The following ARHGEF12 variants were observed in gnomAD, a reference collection of about 807,000 sequenced individuals.
ARHGEF12 encodes the protein KMT2A/ARHGEF12 fusion protein.
Under a neutral mutation model 211.2 loss-of-function variants are expected in ARHGEF12, and 66 were observed. That is an observed-to-expected ratio of 0.31 (90% CI 0.26 to 0.38). ARHGEF12 has a LOEUF of 0.38. Ranked by LOEUF, ARHGEF12 falls within the 10% of genes least tolerant of loss-of-function variation. ARHGEF12 has a pLI of 1.00. For missense variants in ARHGEF12, 1,429 were observed against 1,869.5 expected, an observed-to-expected ratio of 0.76 and a Z score of 4.34; for synonymous variants, 592 against 638.4, an observed-to-expected ratio of 0.93 and a Z score of 1.09.
Position 120,480,099 on chromosome 11 carries a change from T to C in ARHGEF12, c.3906T>C (p.Asn1302=). 2 of 1,614,098 alleles carry C rather than the reference T, an allele frequency of 1.2e-6. No homozygotes were observed. The highest frequency in any genetic ancestry group is 1.7e-6 in the Non-Finnish European group (2 of 1,180,020). The stretch of plus-strand genomic sequence containing the variant: ...ACAGTGTCATCCAGAACTCTGAAAA[T>C]ATTAAGGCCTATCATTCTGGTGAAG... ...QTDSVIQNSE[N]IKAYHSGEGH... The change falls in exon 38 of 41, where the codon AAT becomes AAC. Residue 1302 remains asparagine, a synonymous_variant. Transcript: ENST00000397843.
Position 120,347,171 on chromosome 11 carries a change from C to CTTT in ARHGEF12, c.32+9896_32+9897insTTT, listed in dbSNP as rs1565417119. On this transcript the variant is annotated intron_variant, in intron 1 of 40. Transcript: ENST00000397843. ...TCCTTCCTTCCTTCCTTCCTTCCTTCCTTCCTTCCTTCCTTTCTTTCTTTC... is the reference window on the plus strand; with the variant it reads ...TCCTTCCTTCCTTCCTTCCTTCCTTCTTTCTTCCTTCCTTCCTTTCTTTCTTTC... 1.2e-4 allele frequency among the ~76,000 whole-genome samples: 7 copies of CTTT among 56,944 alleles called. No individual in the cohort carries two copies. The East Asian group carries it at 5.1e-3, about 41-fold the overall frequency. The allele number at this position is 56,944 out of a possible 152,430, so 37.4% of individuals were successfully genotyped here. A position where few individuals can be genotyped will look rare whatever the true frequency, so the allele number is the denominator to read the frequency against.
intron 1 of ARHGEF12, among the ~76,000 whole-genome samples, chr11:120,366,497 C>A (rs143186657): frequency 1.2e-4 from 18 of 152,188 alleles, no homozygotes; most frequent in African/African-American, 3.6e-4. Flanking sequence ...ATGCTGTGGG[C>A]AATAAAATAA....
intron 22 of ARHGEF12, among the ~76,000 whole-genome samples, chr11:120,455,016 G>T (rs909567645): frequency 1.3e-5 from 2 of 152,090 alleles, no homozygotes; most frequent in Non-Finnish European, 1.5e-5. Flanking sequence ...CCACCACAGC[G>T]ATCAGAGTTT....
intron 30 of ARHGEF12, among the ~76,000 whole-genome samples, chr11:120,472,444 TTA>T: frequency 6.6e-6 from 1 of 152,306 alleles, no homozygotes. Flanking sequence ...ATTTTTTGCC[TTA>T]TATAGCCATC....
At chr11:120,394,794 A>T (rs970481696) in intron 1 of ARHGEF12, among the ~76,000 whole-genome samples, 2 of 152,000 alleles carry the variant, frequency 1.3e-5, no homozygotes, top group Non-Finnish European at 2.9e-5. Flanking sequence ...GCTGTGGCTC[A>T]CGCCTGTAAT....
At chr11:120,365,367 T>A (rs569387540) in intron 1 of ARHGEF12, among the ~76,000 whole-genome samples, 1 of 152,104 alleles carries the variant, frequency 6.6e-6, no homozygotes, top group Non-Finnish European at 1.5e-5. Flanking sequence ...TGCTGGGAGA[T>A]ATGAGAAGCT....
chr11:120,456,413 C>T (rs574591182), intron 22 of ARHGEF12, among the ~76,000 whole-genome samples: 3 of 152,076 alleles, frequency 2.0e-5, no homozygotes, highest in South Asian at 4.2e-4. Context: ...AATGATAAAA[C>T]TATTAAACAT....
At chr11:120,421,732 T>C in intron 5 of ARHGEF12, 71 bp from the exon 6 acceptor site, 1 of 1,418,216 alleles carries the variant, frequency 7.1e-7, no homozygotes, top group South Asian at 1.2e-5. Context: ...TTTGTTATAC[T>C]GTCTCTCTGT....
intron 26 of ARHGEF12, among the ~76,000 whole-genome samples, chr11:120,460,159 A>G (rs1048568883): frequency 1.3e-5 from 2 of 152,144 alleles, no homozygotes; most frequent in African/African-American, 2.4e-5. Flanking sequence ...CTATTTCTCT[A>G]TGACCCTTAA....
intron 7 of ARHGEF12, 28 bp from the exon 8 acceptor site, chr11:120,428,040 CT>C: frequency 6.6e-7 from 1 of 1,508,842 alleles, no homozygotes. Flanking sequence ...TTTCCCTTCC[CT>C]TCCCTTTTTC....
rs565514054 is a variant in ARHGEF12 at position 120,337,070 on chromosome 11, C to T, written c.-174C>T. On this transcript the variant is annotated 5_prime_UTR_variant, in exon 1 of 41. Transcript: ENST00000397843. ...GGGAGATAACTTGTTTTGCTCCAAGCCGCATCCGTTGACCCCTTACAGTCG... is the reference window on the plus strand; with the variant it reads ...GGGAGATAACTTGTTTTGCTCCAAGTCGCATCCGTTGACCCCTTACAGTCG... 1.1e-5 allele frequency: 8 copies of T among 712,710 alleles called. No homozygotes were observed. The highest frequency in any genetic ancestry group is 1.1e-4 in the South Asian group (6 of 56,364). 44.1% of individuals were successfully genotyped at this position (712,710 alleles called of 1,614,324 possible). A position where few individuals can be genotyped will look rare whatever the true frequency, so the allele number is the denominator to read the frequency against.
chr11:120,448,372 C>T, intron 20 of ARHGEF12, 24 bp downstream of exon 20: 2 of 1,570,186 alleles, frequency 1.3e-6, no homozygotes, highest in Non-Finnish European at 1.8e-6. Flanking sequence ...AATGTAATAG[C>T]ATGTTCAGGC....
intron 22 of ARHGEF12, among the ~76,000 whole-genome samples, chr11:120,456,474 C>T (rs1331455407): frequency 6.6e-6 from 1 of 151,748 alleles, no homozygotes; most frequent in Non-Finnish European, 1.5e-5. Flanking sequence ...TCAACAAAAT[C>T]CTCAGAGGGG....
chr11:120,373,661 C>T (rs1306852421), intron 1 of ARHGEF12, among the ~76,000 whole-genome samples: 1 of 151,898 alleles, frequency 6.6e-6, no homozygotes, highest in East Asian at 1.9e-4. Context: ...GATGGTAGGA[C>T]TTTGGGTTTT....
chr11:120,340,674 G>A (rs1207270878), intron 1 of ARHGEF12, among the ~76,000 whole-genome samples: 1 of 152,088 alleles, frequency 6.6e-6, no homozygotes. Context: ...TCTCGGCAAG[G>A]TGAAATTATT....
chr11:120,447,598 A>G (rs1591604019), intron 18 of ARHGEF12, among the ~76,000 whole-genome samples: 1 of 152,012 alleles, frequency 6.6e-6, no homozygotes, highest in South Asian at 2.1e-4. Flanking sequence ...CGGGCGGATT[A>G]CGTAAGGCCA....
At position 120,352,498 on chromosome 11, in the gene ARHGEF12, G is replaced by A. The variant is rs555161133; in HGVS notation, c.32+15223G>A. On this transcript the variant is annotated intron_variant, in intron 1 of 40. Coordinates refer to ENST00000397843, the MANE Select transcript of ARHGEF12 (RefSeq NM_015313.3). ...CAGTGGAGATAATATTTTTATTTGC[G>A]TTGTTATAGTGTTATCTTTATCATT... Among the ~76,000 whole-genome samples, 7 of 152,208 alleles carry A rather than the reference G, an allele frequency of 4.6e-5. No homozygotes were observed. The South Asian group carries it at 6.2e-4, about 14-fold the overall frequency.
intron 22 of ARHGEF12, among the ~76,000 whole-genome samples, chr11:120,453,315 T>C (rs997264263): frequency 6.6e-6 from 1 of 152,020 alleles, no homozygotes; most frequent in Non-Finnish European, 1.5e-5. Flanking sequence ...AATAAAAACA[T>C]GGTAGGTGGC....
chr11:120,411,343 T>G (rs1057305026), intron 4 of ARHGEF12: 2 of 152,120 alleles, frequency 1.3e-5, no homozygotes, highest in African/African-American at 4.8e-5. Context: ...TGAATAGACG[T>G]CTTTAGATTA....
Sources: allele counts gnomAD v4.1 joint callset (sites outside exome capture counted in the v4.1 genomes callset), GRCh38; gene constraint gnomAD v4.1.1; transcripts MANE v1.5; gene names NCBI Gene and HGNC (gene_info 2026-07-23, HGNC 2026-07-21).